The following LRRN3 variants were observed in gnomAD, a reference collection of about 807,000 sequenced individuals.
LRRN3 encodes leucine rich repeat neuronal 3, also known as leucine-rich repeat neuronal protein 3.
Under a neutral mutation model 40.1 loss-of-function variants are expected in LRRN3, and 15 were observed. That is an observed-to-expected ratio of 0.37 (90% confidence interval 0.25 to 0.58). The LOEUF is 0.58. LRRN3 is among the 20% of genes least tolerant of loss of function. The pLI, the probability that LRRN3 is intolerant of heterozygous loss-of-function variation, is 0.72. For missense variants in LRRN3, 746 were observed against 837.7 expected, an observed-to-expected ratio of 0.89 and a Z score of 1.35; for synonymous variants, 308 against 297.2, an observed-to-expected ratio of 1.04 and a Z score of -0.37.
At position 111,124,897 on chromosome 7, in the gene LRRN3, T is replaced by C; in HGVS notation, c.2125T>C (p.Ter709GlnextTer23). 7.0e-7 allele frequency: 1 copy of C among 1,435,752 alleles called. No individual in the cohort carries two copies. The highest frequency in any genetic ancestry group is 9.1e-7 in the Non-Finnish European group (1 of 1,095,172). The allele number at this position is 1,435,752 out of a possible 1,614,324, so 88.9% of individuals were successfully genotyped here. Residue 709 changes from the stop codon to glutamine (Q), a stop_lost, in exon 3 of 3, where the codon TAA becomes CAA. Transcript: ENST00000308478. Reference protein sequence around the residue: ...TVIGLPTNMS* With the variant: ...TVIGLPTNMSQ ...TATAGGTTTACCAACAAATATGTCCTAAAAACCACCAAGGAAACCTACTCC... is the reference window on the plus strand; with the variant it reads ...TATAGGTTTACCAACAAATATGTCCCAAAAACCACCAAGGAAACCTACTCC...
rs1260041382 is a variant in LRRN3, at chr7:111,124,113, T to C, written c.1341T>C (p.Thr447=). 6.2e-7 allele frequency: 1 copy of C among 1,614,090 alleles called. No individual in the cohort carries two copies. Among genetic ancestry groups the C allele is most frequent in the Non-Finnish European group, 8.5e-7 (1 of 1,179,990 alleles). Reference sequence around the variant, plus strand: ...ATGTTTCCTTTCACTGTAGAGCTACTGCAGAACCACAGCCTGAAATCTACT... The same window carrying C: ...ATGTTTCCTTTCACTGTAGAGCTACCGCAGAACCACAGCCTGAAATCTACT... The part of the protein sequence containing the change: ...GSYVSFHCRA[T]AEPQPEIYWI... Residue 447 remains threonine, a synonymous_variant, in exon 3 of 3, where the codon ACT becomes ACC. Coordinates refer to ENST00000308478, the MANE Select transcript of LRRN3 (RefSeq NM_001099658.2).
chr7:111,114,076 C>G (rs2129584725), intron 2 of LRRN3, among the ~76,000 whole-genome samples: 1 of 152,068 alleles, frequency 6.6e-6, no homozygotes, highest in African/African-American at 2.4e-5. Flanking sequence ...TAGTCAGTCA[C>G]ATTCAAAATT....
rs73714667 is a variant in LRRN3 at position 111,096,077 on chromosome 7, A to G, written c.-440-3804A>G. Among the ~76,000 whole-genome samples, 315 of 152,134 alleles carry G rather than the reference A, an allele frequency of 2.1e-3. 3 individuals are homozygous for G. Among genetic ancestry groups the G allele is most frequent in the African/African-American group, 7.2e-3 (299 of 41,548 alleles). ...TAGTAATTAATTGACTCAACTTGTAAGAAGGATACAAAATATAAACACAAT... is the reference window on the plus strand; with the variant it reads ...TAGTAATTAATTGACTCAACTTGTAGGAAGGATACAAAATATAAACACAAT... On this transcript the variant is annotated intron_variant, in intron 1 of 2. Transcript: ENST00000308478.
Position 111,123,397 on chromosome 7 carries a change from A to G in LRRN3, c.625A>G (p.Lys209Glu). ...TATCAGAATCAAAGACATGAACTTT[A>G]AGCCTCTTATCAATCTTCGCAGCCT... ...PIIRIKDMNF[K>E]PLINLRSLVI... is the part of the protein sequence containing the mutation. The change falls in exon 3 of 3, where the codon AAG becomes GAG. Residue 209 changes from lysine (K) to glutamate (E), a missense_variant. Physicochemically the swap from Lys to Glu is moderately conservative, Grantham distance 56. Transcript: ENST00000308478. This position sits in a 1 kb window ranked among gnomAD's most constrained non-coding sequence, Gnocchi z 6.4. The G allele has an allele frequency of 6.2e-7, 1 of 1,613,792 alleles. No individual in the cohort carries two copies. The highest frequency in any genetic ancestry group is 1.3e-5 in the African/African-American group (1 of 75,032).
chr7:111,120,865 A>C (rs1302035748), intron 2 of LRRN3, among the ~76,000 whole-genome samples: 1 of 152,098 alleles, frequency 6.6e-6, no homozygotes, highest in Non-Finnish European at 1.5e-5. Context: ...GTTGAATCGC[A>C]ATCTAACTCA....
chr7:111,105,082 T>G (rs939655004), intron 2 of LRRN3, among the ~76,000 whole-genome samples: 1 of 151,988 alleles, frequency 6.6e-6, no homozygotes, highest in South Asian at 2.1e-4. Flanking sequence ...CCTATTTCCT[T>G]ACTAAAGGTC....
chr7:111,117,966 AGTGGAT>A (rs768924220), intron 2 of LRRN3, among the ~76,000 whole-genome samples: 1 of 152,138 alleles, frequency 6.6e-6, no homozygotes, highest in Non-Finnish European at 1.5e-5. Context: ...TCTAAAAGAC[AGTGGAT>A]TTTAAATCTT....
intron 2 of LRRN3, among the ~76,000 whole-genome samples, chr7:111,101,479 T>C (rs1797968170): frequency 6.6e-6 from 1 of 151,492 alleles, no homozygotes; most frequent in African/African-American, 2.4e-5. Flanking sequence ...AGTTACAGAA[T>C]TATTGGGTTA....
At position 111,123,234 on chromosome 7, in the gene LRRN3, A is replaced by G. The variant is rs749799526; in HGVS notation, c.462A>G (p.Thr154=). The G allele has an allele frequency of 6.2e-7, 1 of 1,613,904 alleles. No individual in the cohort carries two copies. Among genetic ancestry groups the G allele is most frequent in the East Asian group, 2.2e-5 (1 of 44,842 alleles). Residue 154 remains threonine, a synonymous_variant, in exon 3 of 3, where the codon ACA becomes ACG. Coordinates refer to ENST00000308478, the MANE Select transcript of LRRN3 (RefSeq NM_001099658.2). The surrounding 1 kb of genome is among the most constrained non-coding windows in gnomAD (Gnocchi z 6.4). ...ATATTAATCACAACTTGCTTTCTAC[A>G]ATTTCACCTGGAGCCTTTATTGGCC... The part of the protein sequence containing the change: ...ELYINHNLLS[T]ISPGAFIGLH...
chr7:111,124,317 A>T lies in LRRN3; in HGVS notation c.1545A>T (p.Gly515=). 6.2e-7 allele frequency: 1 copy of T among 1,613,806 alleles called. No homozygotes were observed. The highest frequency in any genetic ancestry group is 2.2e-5 in the East Asian group (1 of 44,834). The change falls in exon 3 of 3, where the codon GGA becomes GGT. Residue 515 remains glycine (G), a synonymous_variant. Coordinates refer to ENST00000308478, the MANE Select transcript of LRRN3 (RefSeq NM_001099658.2). ...AGTCTGTTATGATCAAAGTGGATGG[A>T]TCTTTTCCACAAGATAACAATGGCT... ...DLKSVMIKVD[G]SFPQDNNGSL...
intron 1 of LRRN3, among the ~76,000 whole-genome samples, chr7:111,093,237 A>G (rs966374337): frequency 2.6e-5 from 4 of 152,334 alleles, no homozygotes; most frequent in Middle Eastern, 3.4e-3. Context: ...TCAGCTTGCA[A>G]TATTGGCAGC....
chr7:111,095,547 A>G (rs1797313390), intron 1 of LRRN3, among the ~76,000 whole-genome samples: 1 of 152,008 alleles, frequency 6.6e-6, no homozygotes, highest in African/African-American at 2.4e-5. Flanking sequence ...TAACACCCAA[A>G]TATTTCAAAC....
chr7:111,103,302 T>G (rs897626134), intron 2 of LRRN3, among the ~76,000 whole-genome samples: 1 of 151,622 alleles, frequency 6.6e-6, no homozygotes, highest in Non-Finnish European at 1.5e-5. Flanking sequence ...ACGTATACAT[T>G]TACACTTTCA....
chr7:111,124,874 T>G lies in LRRN3; in HGVS notation c.2102T>G (p.Ile701Arg), dbSNP rs201893306. The change falls in exon 3 of 3, where the codon ATA becomes AGA. Residue 701 changes from isoleucine to arginine, a missense_variant. Transcript: ENST00000308478. ...STSLKVKATV[I>R]GLPTNMS Reference sequence around the variant, plus strand: ...TCACTGAAAGTAAAAGCAACTGTTATAGGTTTACCAACAAATATGTCCTAA... The same window carrying G: ...TCACTGAAAGTAAAAGCAACTGTTAGAGGTTTACCAACAAATATGTCCTAA... 1.9e-6 allele frequency: 3 copies of G among 1,596,988 alleles called. No homozygotes were observed. Among genetic ancestry groups the G allele is most frequent in the Non-Finnish European group, 2.6e-6 (3 of 1,176,130 alleles).
chr7:111,123,291 A>C lies in LRRN3; in HGVS notation c.519A>C (p.Ser173=). Residue 173 remains serine, a synonymous_variant, in exon 3 of 3, where the codon TCA becomes TCC. Transcript: ENST00000308478. The surrounding 1 kb of genome is among the most constrained non-coding windows in gnomAD (Gnocchi z 6.4). Reference sequence around the variant, plus strand: ...ATCTTCTTCGACTTCATCTCAATTCAAATAGATTGCAGATGATCAACAGTA... The same window carrying C: ...ATCTTCTTCGACTTCATCTCAATTCCAATAGATTGCAGATGATCAACAGTA... ...LHNLLRLHLN[S]NRLQMINSKW... is the part of the protein sequence containing the mutation. 6.2e-7 allele frequency: 1 copy of C among 1,613,838 alleles called. No individual in the cohort carries two copies. The highest frequency in any genetic ancestry group is 8.5e-7 in the Non-Finnish European group (1 of 1,179,916).
chr7:111,094,390 C>A (rs1055918666), intron 1 of LRRN3, among the ~76,000 whole-genome samples: 16 of 152,042 alleles, frequency 1.1e-4, no homozygotes, highest in Non-Finnish European at 1.8e-4. Context: ...TACTTCTAGC[C>A]TCAGTAAGGA....
At chr7:111,092,877 A>C (rs538662014) in intron 1 of LRRN3, among the ~76,000 whole-genome samples, 51 of 152,304 alleles carry the variant, frequency 3.3e-4, no homozygotes, top group Admixed American at 9.1e-4. Flanking sequence ...GCCTTCTTTT[A>C]GTTCAACTAA....
intron 2 of LRRN3, among the ~76,000 whole-genome samples, chr7:111,101,913 C>T (rs1224101639): frequency 2.0e-5 from 3 of 151,430 alleles, no homozygotes; most frequent in Non-Finnish European, 3.0e-5. Context: ...GGTTATGTAT[C>T]CTTAGGAGAA....
chr7:111,109,574 G>A (rs2129582613), intron 2 of LRRN3, among the ~76,000 whole-genome samples: 1 of 152,196 alleles, frequency 6.6e-6, no homozygotes, highest in Middle Eastern at 3.4e-3. Context: ...ATGGAGTCAA[G>A]GACCTGGAAT....
Sources: allele counts gnomAD v4.1 joint callset (sites outside exome capture counted in the v4.1 genomes callset), GRCh38; gene constraint gnomAD v4.1.1; non-coding constraint Gnocchi (gnomAD v3.1); transcripts MANE v1.5; gene names NCBI Gene and HGNC (gene_info 2026-07-23, HGNC 2026-07-21).